The following RALYL variants were observed in gnomAD, a reference collection of about 807,000 sequenced individuals.
RALYL encodes the protein RALY RNA binding protein like.
Under a neutral mutation model 35.1 loss-of-function variants are expected in RALYL, and 29 were observed. The ratio of observed to expected loss-of-function variants is 0.83; its 90% CI spans 0.61 to 1.13. The LOEUF (loss-of-function observed/expected upper bound fraction) is 1.13, where lower values mean the gene tolerates loss of function less well. Ranked by LOEUF, RALYL falls within the 50% of genes most tolerant of loss-of-function variation. The pLI is 0.00. For missense variants in RALYL, 359 were observed against 360.4 expected (o/e 1.00, Z 0.03); for synonymous variants, 120 against 127.6 (o/e 0.94, Z 0.40).
At chr8:84,847,857 T>C (rs1021467645) in intron 4 of RALYL, among the ~76,000 whole-genome samples, 9 of 152,092 alleles carry the variant, frequency 5.9e-5, no homozygotes, top group Admixed American at 6.5e-5. Context: ...CCAAACACCA[T>C]GTGTTCCATT....
At chr8:84,672,897 GTT>G (rs952323502) in intron 2 of RALYL, among the ~76,000 whole-genome samples, 2 of 152,128 alleles carry the variant, frequency 1.3e-5, no homozygotes, top group African/African-American at 4.8e-5. Flanking sequence ...AAAAGCTCCA[GTT>G]TCTGTAAATG....
intron 1 of RALYL, among the ~76,000 whole-genome samples, chr8:84,484,086 C>A (rs1159601530): frequency 6.6e-6 from 1 of 151,918 alleles, no homozygotes; most frequent in Non-Finnish European, 1.5e-5. Context: ...ATAGATAGCA[C>A]CTTAGAAATC....
rs1828289540 is a variant in RALYL at position 84,649,692 on chromosome 8, T to G, written c.256+120115T>G. On this transcript the variant is annotated intron_variant, in intron 2 of 8. Transcript: ENST00000521268. ...TGTTTTGGTTCCTGTAGCCTTGTAG[T>G]ATAGTTTGAAGTCAGGTAGTGTGAT... 2.0e-5 allele frequency among the ~76,000 whole-genome samples: 3 copies of G among 152,260 alleles called. No homozygotes were observed. The East Asian group carries it at 5.8e-4, about 29-fold the overall frequency.
At chr8:84,503,411 G>T (rs1021414073) in intron 1 of RALYL, among the ~76,000 whole-genome samples, 4 of 151,342 alleles carry the variant, frequency 2.6e-5, no homozygotes, top group African/African-American at 9.7e-5. Flanking sequence ...TCCCACCTTG[G>T]CTTCCCAAAG....
rs373449644 is a variant in RALYL at position 84,355,261 on chromosome 8, T to G, written c.-24+170837T>G. Among the ~76,000 whole-genome samples, 167 of 150,610 alleles carry G rather than the reference T, an allele frequency of 1.1e-3. 7 individuals are homozygous for G. The South Asian group carries it at 0.033, about 30-fold the overall frequency. ...ACTCTGCCGGGAACTAGGACTATAA[T>G]GATGAATATGTCACATCAGCTGCCC... On this transcript the variant is annotated intron_variant, in intron 1 of 8. Coordinates refer to ENST00000521268, the MANE Select transcript of RALYL (RefSeq NM_173848.7).
At chr8:84,854,698 T>C (rs887333225) in intron 5 of RALYL, among the ~76,000 whole-genome samples, 1 of 152,126 alleles carries the variant, frequency 6.6e-6, no homozygotes, top group African/African-American at 2.4e-5. Flanking sequence ...ATTAAAGAAC[T>C]GAAAACGCAA....
At position 84,183,466 on chromosome 8, in the gene RALYL, TCAGTGCCTGAGG is replaced by T. The variant is rs1468454446; in HGVS notation, c.-978_-967del. On this transcript the variant is annotated 5_prime_UTR_variant, in exon 1 of 9. Transcript: ENST00000521268. ...AGTCAGCCTGGCTCCGAGTCACGTG[TCAGTGCCTGAGG>T]CAGAGACTGCGAGAAAAAAACGCGC... The T allele has an allele frequency of 6.5e-6, 1 of 152,742 alleles. No individual in the cohort carries two copies. Among genetic ancestry groups the T allele is most frequent in the Non-Finnish European group, 1.5e-5 (1 of 68,160 alleles). 9.5% of individuals were successfully genotyped at this position (152,742 alleles called of 1,614,324 possible).
chr8:84,502,367 A>G (rs1008992840), intron 1 of RALYL, among the ~76,000 whole-genome samples: 1 of 152,050 alleles, frequency 6.6e-6, no homozygotes, highest in Admixed American at 6.6e-5. Flanking sequence ...CTCTGCATGA[A>G]GAAGAAAGTC....
intron 1 of RALYL, among the ~76,000 whole-genome samples, chr8:84,472,974 G>C (rs2052961092): frequency 6.6e-6 from 1 of 152,024 alleles, no homozygotes; most frequent in Non-Finnish European, 1.5e-5. Flanking sequence ...TCTTAACCTT[G>C]CTGAGCCTCA....
At chr8:84,554,728 A>C (rs1027508529) in intron 2 of RALYL, among the ~76,000 whole-genome samples, 2 of 152,214 alleles carry the variant, frequency 1.3e-5, no homozygotes, top group African/African-American at 4.8e-5. Flanking sequence ...TTCCCATTTC[A>C]GCAGGTCCTC....
chr8:84,842,374 C>T (rs1009475547), intron 4 of RALYL, among the ~76,000 whole-genome samples: 46 of 151,374 alleles, frequency 3.0e-4, no homozygotes, highest in African/African-American at 6.8e-4. Flanking sequence ...CTAGAAGAAA[C>T]GGATAAATTC....
At chr8:84,451,020 G>T (rs1334478928) in intron 1 of RALYL, among the ~76,000 whole-genome samples, 2 of 151,902 alleles carry the variant, frequency 1.3e-5, no homozygotes, top group African/African-American at 4.8e-5. Context: ...ATTTGGTGTG[G>T]TCCACAGGCA....
intron 1 of RALYL, among the ~76,000 whole-genome samples, chr8:84,309,884 C>T (rs189198633): frequency 1.6e-3 from 248 of 152,102 alleles, no homozygotes; most frequent in African/African-American, 5.9e-3. Flanking sequence ...GCCACCACGA[C>T]CGGCTAATTT....
intron 2 of RALYL, among the ~76,000 whole-genome samples, chr8:84,627,938 A>C (rs1212094299): frequency 2.6e-5 from 4 of 152,038 alleles, no homozygotes; most frequent in Admixed American, 6.6e-5. Flanking sequence ...ATCCACTCTA[A>C]AATTCTCCAT....
chr8:84,593,257 G>A (rs1382844724), intron 2 of RALYL, among the ~76,000 whole-genome samples: 1 of 151,970 alleles, frequency 6.6e-6, no homozygotes, highest in Admixed American at 6.6e-5. Context: ...CTCATAATTT[G>A]TGATTTCTTA....
chr8:84,826,552 A>C (rs1829750756), intron 4 of RALYL, among the ~76,000 whole-genome samples: 1 of 152,170 alleles, frequency 6.6e-6, no homozygotes, highest in Non-Finnish European at 1.5e-5. Context: ...TTAGGCCAGT[A>C]TGAGACTGCT....
At chr8:84,264,729 G>A (rs528509242) in intron 1 of RALYL, among the ~76,000 whole-genome samples, 1 of 152,200 alleles carries the variant, frequency 6.6e-6, no homozygotes, top group Non-Finnish European at 1.5e-5. Flanking sequence ...TAATTGAGGA[G>A]ATAAAATTAA....
chr8:84,337,617 G>A (rs977127946), intron 1 of RALYL, among the ~76,000 whole-genome samples: 3 of 152,134 alleles, frequency 2.0e-5, no homozygotes, highest in East Asian at 1.9e-4. Flanking sequence ...AATGTGACAT[G>A]TTTTTTATTC....
intron 8 of RALYL, among the ~76,000 whole-genome samples, chr8:84,902,041 C>T (rs1260976877): frequency 6.6e-6 from 1 of 152,076 alleles, no homozygotes; most frequent in Non-Finnish European, 1.5e-5. Context: ...CATCACATAT[C>T]CAGAGGTTAT....
Sources: gnomAD v4.1 joint callset for allele counts (sites outside exome capture counted in the v4.1 genomes callset) on GRCh38, gnomAD v4.1.1 for gene constraint, MANE v1.5 for transcripts, NCBI Gene and HGNC (gene_info 2026-07-23, HGNC 2026-07-21) for gene names.